The following SUN3 variants were observed in gnomAD, a reference collection of about 807,000 sequenced individuals.
SUN3 encodes Sad1 and UNC84 domain containing 3.
Under a neutral mutation model 48.2 loss-of-function variants are expected in SUN3, and 36 were observed. The observed-to-expected ratio is 0.75, with a 90% confidence interval of 0.57 to 0.99. The LOEUF (loss-of-function observed/expected upper bound fraction) is 0.99. SUN3 is among the 50% of genes least tolerant of loss of function. The pLI is 0.00. For synonymous variants in SUN3, 148 were observed against 147.9 expected (o/e 1.00, Z 0.00); for missense variants, 419 against 433.1 (o/e 0.97, Z 0.29).
intron 3 of SUN3, among the ~76,000 whole-genome samples, chr7:48,009,923 G>A (rs575200191): frequency 6.6e-6 from 1 of 152,252 alleles, no homozygotes; most frequent in East Asian, 1.9e-4. Flanking sequence ...TTGGGTCTGG[G>A]TGGCCAGCAC....
chr7:47,999,597 A>G (rs183274909), intron 6 of SUN3, among the ~76,000 whole-genome samples: 37 of 152,294 alleles, frequency 2.4e-4, no homozygotes, highest in African/African-American at 7.2e-4. Context: ...CAATGACGCA[A>G]TCTCAGCTCA....
upstream of SUN3, among the ~76,000 whole-genome samples, chr7:48,030,382 T>C (rs535616871): frequency 1.3e-5 from 2 of 152,354 alleles, no homozygotes; most frequent in South Asian, 4.1e-4. Context: ...TTCTAGCTAT[T>C]GGTTCCCCTC....
At chr7:47,995,779 GAAAAT>G (rs1789194447) in intron 7 of SUN3, among the ~76,000 whole-genome samples, 1 of 152,130 alleles carries the variant, frequency 6.6e-6, no homozygotes, top group Non-Finnish European at 1.5e-5. Flanking sequence ...TGTTTTACTT[GAAAAT>G]AAAATAATCT....
upstream of SUN3, among the ~76,000 whole-genome samples, chr7:48,029,767 G>A (rs1054735303): frequency 4.6e-5 from 7 of 152,090 alleles, no homozygotes; most frequent in Non-Finnish European, 8.8e-5. Context: ...GGTTTATTTG[G>A]GGCATAAATT....
At chr7:48,030,236 A>G (rs1223769570), upstream of SUN3, among the ~76,000 whole-genome samples, 1 of 151,870 alleles carries the variant, frequency 6.6e-6, no homozygotes. Flanking sequence ...TTATTTTTCA[A>G]TTTACTACTT....
intron 3 of SUN3, among the ~76,000 whole-genome samples, chr7:48,016,550 T>A (rs1789818767): frequency 6.6e-6 from 1 of 152,086 alleles, no homozygotes; most frequent in African/African-American, 2.4e-5. Flanking sequence ...AAGAGGACAT[T>A]CAGTGACTAG....
At chr7:48,027,954 C>T (rs545553910) in intron 1 of SUN3, among the ~76,000 whole-genome samples, 57 of 152,172 alleles carry the variant, frequency 3.7e-4, no homozygotes, top group Non-Finnish European at 6.0e-4. Flanking sequence ...ACCATATTTA[C>T]CAAAGATTAA....
At chr7:48,034,887 AT>A in the SUN3 span, among the ~76,000 whole-genome samples, 2 of 152,232 alleles carry the variant, frequency 1.3e-5, no homozygotes, top group African/African-American at 4.8e-5. Flanking sequence ...TTCTCAAAAA[AT>A]AAGATATAAG....
chr7:48,000,925 T>TTGG (rs1377316346), intron 6 of SUN3, among the ~76,000 whole-genome samples: 1 of 151,940 alleles, frequency 6.6e-6, no homozygotes, highest in Non-Finnish European at 1.5e-5. Flanking sequence ...TTTAGATACA[T>TTGG]TGGTCTCTTC....
chr7:47,987,507 C>A, intron 9 of SUN3, 58 bp from the exon 10 acceptor site: 3 of 1,407,056 alleles, frequency 2.1e-6, no homozygotes, highest in Non-Finnish European at 2.8e-6. Flanking sequence ...CAAAGAATCC[C>A]AATGAATACT....
chr7:48,011,886 A>T (rs1279932135), intron 3 of SUN3, among the ~76,000 whole-genome samples: 1 of 152,208 alleles, frequency 6.6e-6, no homozygotes, highest in Non-Finnish European at 1.5e-5. Flanking sequence ...CGTGCCTGAA[A>T]TTCTTGAAAG....
rs563430374 is a variant in SUN3 at position 48,003,745 on chromosome 7, CA to C, written c.577+2223del. 4.6e-5 allele frequency among the ~76,000 whole-genome samples: 7 copies of C among 152,188 alleles called. No individual in the cohort carries two copies. In the East Asian group the frequency reaches 1.2e-3, roughly 25 times the overall value. ...GTGTATAGAATGCTAGTGATTTTTGCACATTGATTTTGCATCCTGAGACTTT... is the reference window on the plus strand; with the variant it reads ...GTGTATAGAATGCTAGTGATTTTTGCCATTGATTTTGCATCCTGAGACTTT... On this transcript the variant is annotated intron_variant, in intron 6 of 9. Coordinates refer to ENST00000297325, the MANE Select transcript of SUN3 (RefSeq NM_001030019.2).
At chr7:48,029,890 G>T (rs951236632), upstream of SUN3, among the ~76,000 whole-genome samples, 35 of 151,450 alleles carry the variant, frequency 2.3e-4, no homozygotes, top group African/African-American at 7.3e-4. Flanking sequence ...TGTTTTTTTT[G>T]GCAATTTCTC....
chr7:48,005,539 C>T (rs1204335137), intron 6 of SUN3, among the ~76,000 whole-genome samples: 1 of 152,096 alleles, frequency 6.6e-6, no homozygotes, highest in Non-Finnish European at 1.5e-5. Context: ...GATTCATAGC[C>T]TTAACCCTTA....
At chr7:48,008,885 A>T (rs1789605366) in intron 4 of SUN3, 150 bp downstream of exon 4, 1 of 663,086 alleles carries the variant, frequency 1.5e-6, no homozygotes, top group Non-Finnish European at 2.5e-6. Context: ...TAGGAATGAT[A>T]TCATTAAATA....
chr7:47,994,536 A>G, intron 7 of SUN3, 54 bp from the exon 8 acceptor site: 1 of 1,522,134 alleles, frequency 6.6e-7, no homozygotes, highest in Non-Finnish European at 8.8e-7. Context: ...ATCCATTCCC[A>G]CAATACTGGT....
At chr7:48,011,526 C>G (rs569756213) in intron 3 of SUN3, among the ~76,000 whole-genome samples, 1 of 152,200 alleles carries the variant, frequency 6.6e-6, no homozygotes, top group Non-Finnish European at 1.5e-5. Context: ...TAGAGATTCT[C>G]ACTTCTAGTT....
In SUN3 at chr7:48,029,082, T is replaced by C; in HGVS notation, c.-144A>G. ...TTCTTCCTCCACGGGTGTTTCTTCT[T>C]GAAGACGGAATTTTGAAAAGCTTCT... is the stretch of plus-strand genomic sequence containing the variant. On this transcript the variant is annotated 5_prime_UTR_variant, in exon 1 of 10. Transcript: ENST00000297325. 3 of 1,208,446 alleles carry C rather than the reference T, an allele frequency of 2.5e-6. No homozygotes were observed. Among genetic ancestry groups the C allele is most frequent in the Non-Finnish European group, 3.4e-6 (3 of 875,662 alleles). The allele number at this position is 1,208,446 out of a possible 1,614,324, so 74.9% of individuals were successfully genotyped here.
chr7:48,000,351 TAGTCTGGAAC>T (rs1220995898), intron 6 of SUN3, among the ~76,000 whole-genome samples: 1 of 152,200 alleles, frequency 6.6e-6, no homozygotes, highest in African/African-American at 2.4e-5. Flanking sequence ...TTGGCCAGGC[TAGTCTGGAAC>T]TCCTGACCTC....
Sources: allele counts gnomAD v4.1 joint callset (sites outside exome capture counted in the v4.1 genomes callset), GRCh38; gene constraint gnomAD v4.1.1; transcripts MANE v1.5; gene names NCBI Gene and HGNC (gene_info 2026-07-23, HGNC 2026-07-21).